Variants in ENTPD7 observed in about 807,000 individuals in gnomAD.
ENTPD7 encodes NTPDase 7.
ENTPD7 carries 53 observed loss-of-function variants against 77.9 expected under a neutral mutation model. The ratio of observed to expected loss-of-function variants is 0.68; its 90% CI spans 0.55 to 0.85. The LOEUF is 0.85. ENTPD7 is among the 40% of genes least tolerant of loss of function. The probability of loss-of-function intolerance (pLI) is 0.00; values close to 1 mark genes in which losing one functional copy is unlikely to be tolerated. For missense variants in ENTPD7, 636 were observed against 743.7 expected (o/e 0.86, Z 1.68); for synonymous variants, 248 against 274.9 (o/e 0.90, Z 0.97).
intron 7 of ENTPD7, among the ~76,000 whole-genome samples, chr10:99,689,677 T>C (rs1390037609): frequency 6.6e-6 from 1 of 152,202 alleles, no homozygotes. Context: ...ACTGATCAGG[T>C]ATTGAGAGTT....
chr10:99,691,318 T>G, intron 7 of ENTPD7, 67 bp from the exon 8 acceptor site: 1 of 1,527,312 alleles, frequency 6.5e-7, no homozygotes, highest in Non-Finnish European at 8.9e-7. Context: ...GGGATTGCTG[T>G]TTTGGGGGTT....
rs761642202 is a variant in ENTPD7, at chr10:99,679,417, A to G, written c.348A>G (p.Lys116=). The G allele has an allele frequency of 6.2e-7, 1 of 1,614,188 alleles. No individual in the cohort carries two copies. Among genetic ancestry groups the G allele is most frequent in the South Asian group, 1.1e-5 (1 of 91,086 alleles). Residue 116 remains lysine (K), a synonymous_variant, in exon 4 of 13, where the codon AAA becomes AAG. Coordinates refer to ENST00000370489, the MANE Select transcript of ENTPD7 (RefSeq NM_020354.5). ...NGNPHDLLDI[K]QMRDRNSQPV... ...ACCCCCATGACTTGCTGGACATCAA[A>G]CAGATGAGAGACCGCAACAGCCAAC...
intron 10 of ENTPD7, 93 bp downstream of exon 10, chr10:99,698,951 T>C: frequency 8.5e-7 from 1 of 1,171,700 alleles, no homozygotes; most frequent in African/African-American, 1.5e-5. Flanking sequence ...GGGCTTTGCA[T>C]ACAGAATCTC....
At position 99,679,471 on chromosome 10, in the gene ENTPD7, TA is replaced by T; in HGVS notation, c.397+7del. The T allele has an allele frequency of 6.2e-7, 1 of 1,604,758 alleles. No homozygotes were observed. ...TGGTTAAAAAAATCAAGCCAGGTACTAATCAGAATATATTTTGTTGTCAGTC... is the reference window on the plus strand; with the variant it reads ...TGGTTAAAAAAATCAAGCCAGGTACTATCAGAATATATTTTGTTGTCAGTC... On this transcript the variant is annotated splice_donor_region_variant and intron_variant, in intron 4 of 12. Coordinates refer to ENST00000370489, the MANE Select transcript of ENTPD7 (RefSeq NM_020354.5).
intron 11 of ENTPD7, 31 bp downstream of exon 11, chr10:99,701,089 G>GTT: frequency 3.2e-6 from 5 of 1,554,296 alleles, no homozygotes; most frequent in Non-Finnish European, 4.4e-6. Context: ...CCTTAGATGT[G>GTT]GACTTAAAAT....
At chr10:99,676,588 G>A (rs2035684866) in intron 3 of ENTPD7, among the ~76,000 whole-genome samples, 1 of 152,128 alleles carries the variant, frequency 6.6e-6, no homozygotes, top group Admixed American at 6.5e-5. Flanking sequence ...GGATTATCTT[G>A]CCTATTTCTT....
intron 5 of ENTPD7, among the ~76,000 whole-genome samples, chr10:99,681,004 T>A (rs149991434): frequency 2.0e-5 from 3 of 152,328 alleles, no homozygotes; most frequent in African/African-American, 7.2e-5. Flanking sequence ...TAGCATATTG[T>A]CGTTAGTGTT....
intron 3 of ENTPD7, among the ~76,000 whole-genome samples, chr10:99,678,484 A>T (rs527409223): frequency 6.6e-6 from 1 of 150,966 alleles, no homozygotes. Context: ...AGAAAAAAGA[A>T]AAAAAAAGAT....
At chr10:99,664,604 C>T (rs1415386391) in intron 3 of ENTPD7, among the ~76,000 whole-genome samples, 2 of 151,942 alleles carry the variant, frequency 1.3e-5, no homozygotes, top group African/African-American at 4.8e-5. Flanking sequence ...CACATGCCAC[C>T]ATGCCTGGCT....
At chr10:99,702,408 GTAGGTCT>G in intron 11 of ENTPD7, 97 bp from the exon 12 acceptor site, 2 of 959,152 alleles carry the variant, frequency 2.1e-6, no homozygotes, top group East Asian at 5.6e-5. Context: ...GCGGGAGGAG[GTAGGTCT>G]TTTAATAACT....
chr10:99,661,606 C>T lies in ENTPD7; in HGVS notation c.169C>T (p.Pro57Ser). Residue 57 changes from proline (P) to serine (S), a missense_variant, in exon 3 of 13, where the codon CCA becomes TCA. Around this residue, in one of 3 missense-constraint regions of ENTPD7, gnomAD observed 486 missense variants for 556.5 expected, o/e 0.87. Transcript: ENST00000370489. ...IDFRHWSASL[P>S]RDRQYERYLA... ...CTTTCGACATTGGAGTGCTTCATTA[C>T]CACGAGATAGGCAATACGAAAGGTG... 1 of 1,609,782 alleles carries T rather than the reference C, an allele frequency of 6.2e-7. No homozygotes were observed. Among genetic ancestry groups the T allele is most frequent in the Non-Finnish European group, 8.5e-7 (1 of 1,178,656 alleles).
At chr10:99,701,103 G>C (rs1208498552) in intron 11 of ENTPD7, 45 bp downstream of exon 11, 1 of 1,437,400 alleles carries the variant, frequency 7.0e-7, no homozygotes, top group Non-Finnish European at 9.8e-7. Context: ...TTAAAATCTA[G>C]ATGGCAGATT....
At chr10:99,672,140 C>G (rs1172677670) in intron 3 of ENTPD7, among the ~76,000 whole-genome samples, 1 of 152,050 alleles carries the variant, frequency 6.6e-6, no homozygotes, top group Non-Finnish European at 1.5e-5. Context: ...TGCCACCGTG[C>G]CTGGCTAAAT....
At chr10:99,688,794 A>C (rs1159131388) in intron 7 of ENTPD7, 44 bp downstream of exon 7, 1 of 1,594,290 alleles carries the variant, frequency 6.3e-7, no homozygotes, top group Admixed American at 1.7e-5. Context: ...TAAGGGCTGA[A>C]GATTTAAGTT....
chr10:99,686,690 C>T (rs1395766403), intron 6 of ENTPD7, among the ~76,000 whole-genome samples: 1 of 151,862 alleles, frequency 6.6e-6, no homozygotes, highest in Non-Finnish European at 1.5e-5. Context: ...TTGATAATTC[C>T]AATATATGTG....
chr10:99,710,361 G>GAAGTACAT lies in ENTPD7; in HGVS notation c.*5679_*5686dup. On this transcript the variant is annotated 3_prime_UTR_variant, in exon 13 of 13. Transcript: ENST00000370489. ...ACAATTACCCTTTAGTTGAAGTCCT[G>GAAGTACAT]AAGTACATGCCATGTACTCCCCCTT... 1 of 985,360 alleles carries GAAGTACAT rather than the reference G, an allele frequency of 1.0e-6. No individual in the cohort carries two copies. Among genetic ancestry groups the GAAGTACAT allele is most frequent in the Non-Finnish European group, 1.2e-6 (1 of 829,926 alleles). 61.0% of individuals were successfully genotyped at this position (985,360 alleles called of 1,614,324 possible).
chr10:99,695,156 C>T (rs543643969), intron 8 of ENTPD7, among the ~76,000 whole-genome samples: 3 of 152,234 alleles, frequency 2.0e-5, no homozygotes, highest in East Asian at 1.9e-4. Context: ...TTTTCATTGG[C>T]GGTACAATAA....
intron 3 of ENTPD7, among the ~76,000 whole-genome samples, chr10:99,666,088 T>C (rs1242016233): frequency 6.6e-6 from 1 of 152,208 alleles, no homozygotes; most frequent in Admixed American, 6.5e-5. Flanking sequence ...GTGAGCTGTA[T>C]GGCTGGAGAG....
intron 5 of ENTPD7, among the ~76,000 whole-genome samples, chr10:99,682,925 T>G (rs2035770683): frequency 6.6e-6 from 1 of 152,184 alleles, no homozygotes; most frequent in African/African-American, 2.4e-5. Flanking sequence ...CTACCTTTAG[T>G]GTGTTTGGAG....
Sources: allele counts gnomAD v4.1 joint callset (sites outside exome capture counted in the v4.1 genomes callset), GRCh38; gene constraint gnomAD v4.1.1; regional missense constraint gnomAD v4.1.1; transcripts MANE v1.5; gene names NCBI Gene and HGNC (gene_info 2026-07-23, HGNC 2026-07-21).